The following CUL4B variants were observed in gnomAD, a reference collection of about 807,000 sequenced individuals.
The protein encoded by CUL4B is cullin 4B, also known as cullin-4B.
In CUL4B, 1 loss-of-function variant was observed where a neutral mutation model predicts 69.2. That is an observed-to-expected ratio of 0.01 (90% CI 0.01 to 0.07). CUL4B has a LOEUF of 0.07. CUL4B is among the 10% of genes least tolerant of loss of function. CUL4B has a pLI of 1.00. For missense variants in CUL4B, 328 were observed against 638.8 expected (o/e 0.51, Z 5.24); for synonymous variants, 237 against 223.2 (o/e 1.06, Z -0.55).
chrX:120,559,962 T>C (rs374060375), intron 1 of CUL4B, 121 bp downstream of exon 1: 32 of 1,174,328 alleles, frequency 2.7e-5, no homozygotes, highest in East Asian at 1.2e-4. Flanking sequence ...CTCCACCTCA[T>C]TGATTATGCA....
At chrX:120,529,664 T>C in intron 19 of CUL4B, among the ~76,000 whole-genome samples, 1 of 111,836 alleles carries the variant, frequency 8.9e-6, no homozygotes, top group South Asian at 3.7e-4. Flanking sequence ...TGACTAGTTA[T>C]CTGTATGGTT....
intron 6 of CUL4B, 21 bp downstream of exon 6, chrX:120,544,460 T>C: frequency 8.3e-7 from 1 of 1,205,456 alleles, no homozygotes; most frequent in South Asian, 1.8e-5. Context: ...CTCTGTATAG[T>C]AGGTGTAGTA....
intron 14 of CUL4B, 73 bp from the exon 15 acceptor site, chrX:120,537,107 A>G (rs1160808824): frequency 1.3e-5 from 10 of 758,505 alleles, no homozygotes; most frequent in Non-Finnish European, 1.8e-5. Context: ...CCTATTTAAG[A>G]AGTTCCCTGT....
At chrX:120,567,195 C>T (rs1337060413), downstream of CUL4B, among the ~76,000 whole-genome samples, 1 of 98,142 alleles carries the variant, frequency 1.0e-5, no homozygotes, top group Non-Finnish European at 2.0e-5. Flanking sequence ...GCAATGTTGG[C>T]TCACTGCAAT....
intron 16 of CUL4B, among the ~76,000 whole-genome samples, chrX:120,535,393 G>C (rs998872857): frequency 9.1e-6 from 1 of 110,145 alleles, no homozygotes; most frequent in African/African-American, 3.3e-5. Flanking sequence ...CGGATATCTA[G>C]GATACAATTA....
At chrX:120,572,589 C>A (rs1462072078) in intron 2 of CUL4B, among the ~76,000 whole-genome samples, 2 of 110,961 alleles carry the variant, frequency 1.8e-5, no homozygotes, top group African/African-American at 6.5e-5. Flanking sequence ...CCAAAGGTAA[C>A]CTCAGTTAAG....
chrX:120,569,077 G>A (rs1226728769), downstream of CUL4B, among the ~76,000 whole-genome samples: 1 of 111,948 alleles, frequency 8.9e-6, no homozygotes, highest in Non-Finnish European at 1.9e-5. Flanking sequence ...AAAACAGCCG[G>A]CAATGCACAT....
At chrX:120,545,403 T>C in intron 5 of CUL4B, 41 bp downstream of exon 5, 5 of 913,813 alleles carry the variant, frequency 5.5e-6, no homozygotes, top group East Asian at 3.2e-5. Flanking sequence ...GATTTGAGTA[T>C]GATTTGGAAC....
At chrX:120,574,130 TGA>T (rs1423939920) in intron 2 of CUL4B, among the ~76,000 whole-genome samples, 1 of 93,526 alleles carries the variant, frequency 1.1e-5, no homozygotes, top group Admixed American at 1.3e-4. Context: ...CCCAAAGTGC[TGA>T]GATTACAGGC....
At position 120,545,754 on chromosome X, in the gene CUL4B, G is replaced by A. The variant is rs183884823; in HGVS notation, c.847-237C>T. 3.3e-3 allele frequency among the ~76,000 whole-genome samples: 352 copies of A among 107,744 alleles called. 1 individual carries two copies. Among genetic ancestry groups the A allele is most frequent in the African/African-American group, 0.012 (342 of 29,537 alleles). The allele number at this position is 107,744 out of a possible 115,157, so 93.6% of individuals were successfully genotyped here. A position where few individuals can be genotyped will look rare whatever the true frequency, so the allele number is the denominator to read the frequency against. ...ACTTAAAATGGCCCTCTGATTTACTGCTTGAGAAGTAACTGAAAAATCAAG... is the reference window on the plus strand; with the variant it reads ...ACTTAAAATGGCCCTCTGATTTACTACTTGAGAAGTAACTGAAAAATCAAG... On this transcript the variant is annotated intron_variant, in intron 4 of 19. Transcript: ENST00000371322.
At chrX:120,532,326 A>G (rs1923366745) in intron 18 of CUL4B, 96 bp downstream of exon 18, 1 of 638,940 alleles carries the variant, frequency 1.6e-6, no homozygotes, top group Non-Finnish European at 2.4e-6. Context: ...TATTAATGGT[A>G]TTGGCAGTAT....
At chrX:120,573,835 C>CT (rs1401729818) in intron 2 of CUL4B, among the ~76,000 whole-genome samples, 6 of 110,870 alleles carry the variant, frequency 5.4e-5, no homozygotes, top group Admixed American at 9.6e-5. Context: ...TTTTTCTTTT[C>CT]TTTTTTTTGA....
upstream of CUL4B, among the ~76,000 whole-genome samples, chrX:120,566,369 A>ATATATATATATATATG (rs1925537003): frequency 3.9e-4 from 22 of 56,465 alleles, no homozygotes; most frequent in African/African-American, 1.1e-3. Context: ...ATATATATAT[A>ATATATATATATATATG]TATATATATA....
chrX:120,544,992 A>C (rs1924227408), intron 5 of CUL4B, among the ~76,000 whole-genome samples: 1 of 112,460 alleles, frequency 8.9e-6, no homozygotes, highest in Admixed American at 9.4e-5. Flanking sequence ...TTGAAAGCTT[A>C]TTTGGTTATT....
chrX:120,560,909 C>G lies in CUL4B; in HGVS notation c.-271G>C. ...GGTAAACGGCCGTGCCGTCCCCCTC[C>G]CCTGCTTTTCGATCTCTCTCCCCCC... On this transcript the variant is annotated 5_prime_UTR_variant, in exon 1 of 20. Coordinates refer to ENST00000371322, the MANE Select transcript of CUL4B (RefSeq NM_001079872.2). 1.3e-6 allele frequency: 1 copy of G among 753,247 alleles called. No individual in the cohort carries two copies. The highest frequency in any genetic ancestry group is 2.3e-5 in the African/African-American group (1 of 43,534). The allele number at this position is 753,247 out of a possible 1,213,427, so 62.1% of individuals were successfully genotyped here.
chrX:120,563,503 C>A (rs1569397596), upstream of CUL4B, among the ~76,000 whole-genome samples: 1 of 112,037 alleles, frequency 8.9e-6, no homozygotes, highest in Non-Finnish European at 1.9e-5. Flanking sequence ...TCCCAAAGTG[C>A]TGGGCCTACC....
chrX:120,560,299 C>A lies in CUL4B; in HGVS notation c.340G>T (p.Ala114Ser). ...GAGGAGGATTCCTCAGCCATCTTCGCATCAAACCCTACAAACTCCAGGGTG... is the reference window on the plus strand; with the variant it reads ...GAGGAGGATTCCTCAGCCATCTTCGAATCAAACCCTACAAACTCCAGGGTG... ...EDTLEFVGFD[A>S]KMAEESSSSS... Residue 114 changes from alanine (A) to serine (S), a missense_variant, in exon 1 of 20, where the codon GCG (alanine) becomes TCG (serine). Physicochemically the swap from Ala to Ser is moderately conservative, Grantham distance 99 (BLOSUM62 1). Coordinates refer to ENST00000371322, the MANE Select transcript of CUL4B (RefSeq NM_001079872.2). 8.3e-7 allele frequency: 1 copy of A among 1,211,679 alleles called. No homozygotes were observed. The highest frequency in any genetic ancestry group is 1.1e-6 in the Non-Finnish European group (1 of 895,538).
At chrX:120,538,904 T>C (rs1670082319) in intron 12 of CUL4B, 134 bp from the exon 13 acceptor site, 1 of 471,764 alleles carries the variant, frequency 2.1e-6, no homozygotes, top group Non-Finnish European at 3.6e-6. Context: ...GTTTGTTAAA[T>C]GCAAGAAACA....
At chrX:120,561,119 G>A (rs1352293416), upstream of CUL4B, 5 of 1,034,435 alleles carry the variant, frequency 4.8e-6, no homozygotes, top group Non-Finnish European at 6.2e-6. Context: ...CGCCGAGGGA[G>A]GGGCGGTGTC....
Sources: gnomAD v4.1 joint callset for allele counts (sites outside exome capture counted in the v4.1 genomes callset) on GRCh38, gnomAD v4.1.1 for gene constraint, MANE v1.5 for transcripts, NCBI Gene and HGNC (gene_info 2026-07-23, HGNC 2026-07-21) for gene names.